NFIC: variants seen among roughly 807,000 people sequenced by gnomAD.
NFIC encodes nuclear factor I C, also known as nuclear factor 1 C-type.
NFIC carries 12 observed loss-of-function variants against 54.4 expected under a neutral mutation model. The observed-to-expected ratio is 0.22, with a 90% CI of 0.14 to 0.36. The LOEUF is 0.36. Among genes scored for constraint, NFIC ranks in the 10% least tolerant of loss-of-function variants. The pLI is 1.00. For synonymous variants in NFIC, 322 were observed against 319.2 expected (o/e 1.01, Z -0.09); for missense variants, 575 against 718.2 (o/e 0.80, Z 2.28).
chr19:3,363,269 A>ATTTTTTTTTTTT (rs1178364391), upstream of NFIC, among the ~76,000 whole-genome samples: 1 of 36,696 alleles, frequency 2.7e-5, no homozygotes, highest in African/African-American at 1.6e-4. Context: ...ATATATATAT[A>ATTTTTTTTTTTT]TTTTTTTTTT....
Position 3,463,294 on chromosome 19 carries a change from C to T in NFIC, c.*525C>T, listed in dbSNP as rs1396925462. Reference sequence around the variant, plus strand: ...CGGGCCCCCGCGCCTCTGCCGGACACGGACCGGCCCCTCAGCCCCCACCGA... The same window carrying T: ...CGGGCCCCCGCGCCTCTGCCGGACATGGACCGGCCCCTCAGCCCCCACCGA... On this transcript the variant is annotated 3_prime_UTR_variant, in exon 11 of 11. Coordinates refer to ENST00000443272, the MANE Select transcript of NFIC (RefSeq NM_001245002.2). 1.2e-5 allele frequency: 12 copies of T among 988,520 alleles called. No homozygotes were observed. The highest frequency in any genetic ancestry group is 1.7e-5 in the African/African-American group (1 of 57,270). 61.2% of individuals were successfully genotyped at this position (988,520 alleles called of 1,614,324 possible). A position where few individuals can be genotyped will look rare whatever the true frequency, so the allele number is the denominator to read the frequency against.
rs1443404510 is a variant in NFIC at position 3,456,581 on chromosome 19, C to T, written c.1455C>T (p.Asn485=). The T allele has an allele frequency of 1.9e-6, 3 of 1,554,172 alleles. No homozygotes were observed. Among genetic ancestry groups the T allele is most frequent in the Non-Finnish European group, 1.7e-6 (2 of 1,148,246 alleles). ...SYSPPDTSPA[N]RSFVGLGPRD... ...CTCCGCCCGACACGTCCCCTGCAAA[C>T]CGTTCCTTTGTGGGATTAGGACCAA... The change falls in exon 10 of 11, where the codon AAC becomes AAT. Residue 485 remains asparagine, a synonymous_variant. Coordinates refer to ENST00000443272, the MANE Select transcript of NFIC (RefSeq NM_001245002.2).
rs917626679 is a variant in NFIC at position 3,370,192 on chromosome 19, C to T, written c.30+3526C>T. On this transcript the variant is annotated intron_variant, in intron 1 of 10. Coordinates refer to ENST00000443272, the MANE Select transcript of NFIC (RefSeq NM_001245002.2). This position sits in a 1 kb window ranked among gnomAD's most constrained non-coding sequence, Gnocchi z 5.2. Reference sequence around the variant, plus strand: ...GAGTCAGAGAGGGCCAGGGCCTGCCCGAGGTGGCACAGTGGGGCTGGCAGA... The same window carrying T: ...GAGTCAGAGAGGGCCAGGGCCTGCCTGAGGTGGCACAGTGGGGCTGGCAGA... Among the ~76,000 whole-genome samples the T allele has an allele frequency of 6.6e-6, 1 of 152,064 alleles. No individual in the cohort carries two copies. The highest frequency in any genetic ancestry group is 6.5e-5 in the Admixed American group (1 of 15,276).
At chr19:3,417,219 G>T (rs948145091) in intron 2 of NFIC, among the ~76,000 whole-genome samples, 4 of 152,098 alleles carry the variant, frequency 2.6e-5, no homozygotes, top group African/African-American at 9.7e-5. Flanking sequence ...AGGCAGGAGG[G>T]TCACTTGAGC....
intron 6 of NFIC, among the ~76,000 whole-genome samples, chr19:3,437,996 G>T (rs568327595): frequency 9.5e-4 from 144 of 152,044 alleles, no homozygotes; most frequent in Middle Eastern, 3.4e-3. Context: ...GCACCCAGCC[G>T]TGACTTCTCA....
intron 1 of NFIC, among the ~76,000 whole-genome samples, chr19:3,373,555 G>A (rs926555502): frequency 3.7e-4 from 56 of 151,768 alleles, no homozygotes; most frequent in Admixed American, 3.1e-3. Flanking sequence ...AAAGCTCCTG[G>A]CCTGGAGTGC....
At position 3,453,490 on chromosome 19, in the gene NFIC, C is replaced by T. The variant is rs777734361; in HGVS notation, c.1270-273C>T. Among the ~76,000 whole-genome samples the T allele has an allele frequency of 1.3e-5, 2 of 152,126 alleles. No individual in the cohort carries two copies. Among genetic ancestry groups the T allele is most frequent in the African/African-American group, 2.4e-5 (1 of 41,428 alleles). On this transcript the variant is annotated intron_variant, in intron 8 of 10. Coordinates refer to ENST00000443272, the MANE Select transcript of NFIC (RefSeq NM_001245002.2). This position sits in a 1 kb window ranked among gnomAD's most constrained non-coding sequence, Gnocchi z 6.7. ...TGGCACTGTTTGGAAGGAAATCAGT[C>T]GAGTTGGCGTGCAGGGGGTTTACAG...
rs928266733 is a variant in NFIC at position 3,464,559 on chromosome 19, C to G, written c.*1790C>G. The G allele has an allele frequency of 1.1e-6, 1 of 930,044 alleles. No individual in the cohort carries two copies. The highest frequency in any genetic ancestry group is 1.3e-6 in the Non-Finnish European group (1 of 785,078). The allele number at this position is 930,044 out of a possible 1,614,324, so 57.6% of individuals were successfully genotyped here. On this transcript the variant is annotated 3_prime_UTR_variant, in exon 11 of 11. Coordinates refer to ENST00000443272, the MANE Select transcript of NFIC (RefSeq NM_001245002.2). The stretch of plus-strand genomic sequence containing the variant: ...AGCCCAGCCCCAACTGACCTCCATG[C>G]CTAGGGAAAAACTCCCCCCACCACT...
At chr19:3,435,986 C>G (rs949555503) in intron 6 of NFIC, among the ~76,000 whole-genome samples, 5 of 151,858 alleles carry the variant, frequency 3.3e-5, no homozygotes, top group Admixed American at 1.3e-4. Flanking sequence ...ACCACCATGC[C>G]CGGCTAATTT....
At chr19:3,366,532 G>T, upstream of NFIC, 1 of 558,368 alleles carries the variant, frequency 1.8e-6, no homozygotes, top group East Asian at 4.2e-5. Flanking sequence ...CCGGCCGCGG[G>T]GCGGGGGGGG....
intron 6 of NFIC, among the ~76,000 whole-genome samples, chr19:3,447,298 CA>C (rs1178839836): frequency 2.0e-3 from 154 of 78,058 alleles, no homozygotes; most frequent in Admixed American, 2.3e-3. Flanking sequence ...GACTCTATCT[CA>C]AAAAAAAAAA....
intron 3 of NFIC, among the ~76,000 whole-genome samples, chr19:3,429,903 C>A (rs1202699785): frequency 6.6e-6 from 1 of 152,182 alleles, no homozygotes; most frequent in Non-Finnish European, 1.5e-5. Context: ...ATCGGAGAAG[C>A]CAACAGTCAC....
At chr19:3,399,608 A>C (rs1345472115) in intron 2 of NFIC, among the ~76,000 whole-genome samples, 2 of 151,824 alleles carry the variant, frequency 1.3e-5, no homozygotes, top group African/African-American at 4.8e-5. Flanking sequence ...ATGGTGGCTC[A>C]TGCCTATAAT....
At chr19:3,393,479 T>C (rs985168777) in intron 2 of NFIC, among the ~76,000 whole-genome samples, 3 of 152,082 alleles carry the variant, frequency 2.0e-5, no homozygotes, top group African/African-American at 7.2e-5. Flanking sequence ...CAGGTGATTC[T>C]AGAATTCTCC....
At chr19:3,442,424 A>G (rs1443191606) in intron 6 of NFIC, among the ~76,000 whole-genome samples, 3 of 132,564 alleles carry the variant, frequency 2.3e-5, no homozygotes, top group South Asian at 4.9e-4. Flanking sequence ...TCTGTTGCCC[A>G]GGCTGGAGTG....
At chr19:3,379,741 G>A (rs1370100665) in intron 1 of NFIC, among the ~76,000 whole-genome samples, 1 of 144,520 alleles carries the variant, frequency 6.9e-6, no homozygotes, top group Non-Finnish European at 1.5e-5. Flanking sequence ...CCGGGCTGGA[G>A]ATCAATGGCG....
chr19:3,451,118 T>A (rs1401373191), intron 7 of NFIC, among the ~76,000 whole-genome samples: 1 of 152,172 alleles, frequency 6.6e-6, no homozygotes, highest in East Asian at 1.9e-4. Flanking sequence ...CACAATAGAA[T>A]ATGACTCAGC....
chr19:3,463,459 GA>G lies in NFIC; in HGVS notation c.*691del, dbSNP rs905942682. Reference sequence around the variant, plus strand: ...GCGAGCCCTGGCCAGGGGAGGAAGTGAGGCCCAGGCACCTGCTGCCCCTCGA... The same window carrying G: ...GCGAGCCCTGGCCAGGGGAGGAAGTGGGCCCAGGCACCTGCTGCCCCTCGA... On this transcript the variant is annotated 3_prime_UTR_variant, in exon 11 of 11. Transcript: ENST00000443272. 1.7e-4 allele frequency: 163 copies of G among 985,426 alleles called. 1 individual carries two copies. In the African/African-American group the frequency reaches 2.7e-3, roughly 17 times the overall value. 61.0% of individuals were successfully genotyped at this position (985,426 alleles called of 1,614,324 possible).
intron 10 of NFIC, among the ~76,000 whole-genome samples, chr19:3,460,745 C>G (rs2082627109): frequency 6.6e-6 from 1 of 152,052 alleles, no homozygotes; most frequent in African/African-American, 2.4e-5. Context: ...AACCCCTGAC[C>G]TCAGGTGATC....
Sources: allele counts gnomAD v4.1 joint callset (sites outside exome capture counted in the v4.1 genomes callset), GRCh38; gene constraint gnomAD v4.1.1; non-coding constraint Gnocchi (gnomAD v3.1); transcripts MANE v1.5; gene names NCBI Gene and HGNC (gene_info 2026-07-23, HGNC 2026-07-21).